The following KLHL33 variants were observed in gnomAD, a reference collection of about 807,000 sequenced individuals.
KLHL33 encodes kelch-like protein 33.
In KLHL33, 46 loss-of-function variants were observed where a neutral mutation model predicts 60.8. The observed-to-expected ratio is 0.76, with a 90% CI of 0.60 to 0.97. The LOEUF (loss-of-function observed/expected upper bound fraction) is 0.97. KLHL33 is among the 50% of genes least tolerant of loss of function. KLHL33 has a pLI of 0.00. For missense variants in KLHL33, 1,055 were observed against 1,000.0 expected, an observed-to-expected ratio of 1.05 and a Z score of -0.74; for synonymous variants, 434 against 432.2, an observed-to-expected ratio of 1.00 and a Z score of -0.05.
In KLHL33 at chr14:20,428,974, G is replaced by A. The variant is rs200296891; in HGVS notation, c.2269C>T (p.Arg757Ter). The stretch of plus-strand genomic sequence containing the variant: ...GGCAGAGTTCCCAGGCAGAGCCATC[G>A]GCCCAGGCCAGGACAGTAGGCATGG... ...LIHAYCPGLG[R>*]WLCLGTLPRP... is the part of the protein sequence containing the mutation. Residue 757 changes from arginine (R) to a stop codon, truncating the protein, a stop_gained, in exon 5 of 5, where the codon CGA becomes TGA. Coordinates refer to ENST00000636854, the MANE Select transcript of KLHL33 (RefSeq NM_001365790.2). LOFTEE classifies it high-confidence loss of function. 39 of 1,551,704 alleles carry A rather than the reference G, an allele frequency of 2.5e-5. No individual in the cohort carries two copies. In the Middle Eastern group the frequency reaches 5.0e-4, roughly 20 times the overall value.
At chr14:20,431,111 C>G (rs910833088) in intron 2 of KLHL33, among the ~76,000 whole-genome samples, 3 of 152,146 alleles carry the variant, frequency 2.0e-5, no homozygotes, top group Non-Finnish European at 4.4e-5. Context: ...CTAAGAGGAG[C>G]ACAAAATAAA....
Position 20,429,844 on chromosome 14 carries a change from C to G in KLHL33, c.1624G>C (p.Gly542Arg). ...SLAGSELYVC[G>R]GQDFYSHSNT... is the part of the protein sequence containing the mutation. ...GAGTGACTGTAGAAATCTTGTCCCCCACACACATAGAGTTCACTTCCTGCC... is the reference window on the plus strand; with the variant it reads ...GAGTGACTGTAGAAATCTTGTCCCCGACACACATAGAGTTCACTTCCTGCC... Residue 542 changes from glycine to arginine, a missense_variant, in exon 3 of 5, where the codon GGG becomes CGG. Transcript: ENST00000636854. 6.4e-7 allele frequency: 1 copy of G among 1,550,652 alleles called. No homozygotes were observed. The highest frequency in any genetic ancestry group is 1.2e-5 in the South Asian group (1 of 83,842).
rs1376775277 is a variant in KLHL33 at position 20,430,411 on chromosome 14, T to C, written c.1057A>G (p.Arg353Gly). The C allele has an allele frequency of 1.3e-6, 2 of 1,551,694 alleles. No homozygotes were observed. The highest frequency in any genetic ancestry group is 1.7e-6 in the Non-Finnish European group (2 of 1,146,992). The stretch of plus-strand genomic sequence containing the variant: ...TAGTGACGGGCTTTGCTCCAGAGCC[T>C]CTCCAACCCAGGGGCTTCCGCCATG... ...FPMAEAPGLE[R>G]LWSKARHYLL... is the part of the protein sequence containing the mutation. The change falls in exon 3 of 5, where the codon AGG (arginine) becomes GGG (glycine). Residue 353 changes from arginine to glycine, a missense_variant. Transcript: ENST00000636854.
chr14:20,430,791 T>TACTCTAAGTGTGGCCAA, intron 2 of KLHL33, 72 bp from the exon 3 acceptor site: 1 of 1,041,746 alleles, frequency 9.6e-7, no homozygotes, highest in Non-Finnish European at 1.4e-6. Context: ...CCCAACTTGG[T>TACTCTAAGTGTGGCCAA]ACTCTAAGTT....
In KLHL33 at chr14:20,430,672, G is replaced by A; in HGVS notation, c.796C>T (p.Leu266Phe). 1.3e-6 allele frequency: 2 copies of A among 1,534,014 alleles called. No individual in the cohort carries two copies. The highest frequency in any genetic ancestry group is 1.7e-6 in the Non-Finnish European group (2 of 1,146,068). The change falls in exon 3 of 5, where the codon CTC becomes TTC. Residue 266 changes from leucine (L) to phenylalanine (F), a missense_variant. Coordinates refer to ENST00000636854, the MANE Select transcript of KLHL33 (RefSeq NM_001365790.2). ...TGGGATTCCCTCATCCCGCTCAGGAGCATGGCCCCAAAGAACTCACTGCCA... is the reference window on the plus strand; with the variant it reads ...TGGGATTCCCTCATCCCGCTCAGGAACATGGCCCCAAAGAACTCACTGCCA... ...ACGSEFFGAMLLSGMRESQGT... is the reference protein window; with the variant it reads ...ACGSEFFGAMFLSGMRESQGT...
chr14:20,431,265 A>G (rs1021435879), intron 2 of KLHL33, among the ~76,000 whole-genome samples: 1 of 152,128 alleles, frequency 6.6e-6, no homozygotes, highest in Admixed American at 6.5e-5. Context: ...CTGTAATCCA[A>G]CCTCATCGGA....
At chr14:20,431,351 C>G (rs1376810930) in intron 2 of KLHL33, among the ~76,000 whole-genome samples, 1 of 152,174 alleles carries the variant, frequency 6.6e-6, no homozygotes, top group Non-Finnish European at 1.5e-5. Flanking sequence ...ATAACCCTCT[C>G]CTGTTCTTGG....
chr14:20,430,389 T>C lies in KLHL33; in HGVS notation c.1079A>G (p.His360Arg), dbSNP rs1370759340. The C allele has an allele frequency of 7.1e-6, 11 of 1,551,642 alleles. No homozygotes were observed. Among genetic ancestry groups the C allele is most frequent in the Non-Finnish European group, 8.7e-6 (10 of 1,147,018 alleles). ...GLERLWSKAR[H>R]YLLTHLPAVA... is the part of the protein sequence containing the mutation. ...AGCAGGCAGGTGGGTGAGGAGGTAG[T>C]GACGGGCTTTGCTCCAGAGCCTCTC... Residue 360 changes from histidine (H) to arginine (R), a missense_variant, in exon 3 of 5, where the codon CAC becomes CGC. Coordinates refer to ENST00000636854, the MANE Select transcript of KLHL33 (RefSeq NM_001365790.2).
At position 20,427,514 on chromosome 14, in the gene KLHL33, T is replaced by A. The variant is rs1880328503; in HGVS notation, c.*1335A>T. On this transcript the variant is annotated 3_prime_UTR_variant, in exon 5 of 5. Transcript: ENST00000636854. ...TCTGTTTCAAATGCATTCCCCCTTC[T>A]CTAATGGGTGAGACTCTAGGCAGCC... 6.6e-6 allele frequency: 1 copy of A among 152,198 alleles called. No homozygotes were observed. The highest frequency in any genetic ancestry group is 1.5e-5 in the Non-Finnish European group (1 of 68,044). The allele number at this position is 152,198 out of a possible 1,614,324, so 9.4% of individuals were successfully genotyped here. A position where few individuals can be genotyped will look rare whatever the true frequency, so the allele number is the denominator to read the frequency against.
Position 20,435,429 on chromosome 14 carries a change from C to T in KLHL33, c.383G>A (p.Arg128Gln), listed in dbSNP as rs544951670. ...GCTGCTGATTGCGGCCAGGATCACCCGATGCACCCCGTATACCCGCCCCGC... is the reference window on the plus strand; with the variant it reads ...GCTGCTGATTGCGGCCAGGATCACCTGATGCACCCCGTATACCCGCCCCGC... ...SVAGRVYGVH[R>Q]VILAAISSLF... The change falls in exon 2 of 5, where the codon CGG (arginine) becomes CAG (glutamine). Residue 128 changes from arginine (R) to glutamine (Q), a missense_variant. Coordinates refer to ENST00000636854, the MANE Select transcript of KLHL33 (RefSeq NM_001365790.2). 1.2e-5 allele frequency: 15 copies of T among 1,234,436 alleles called. No individual in the cohort carries two copies. In the Admixed American group the frequency reaches 1.7e-4, roughly 14 times the overall value. 76.5% of individuals were successfully genotyped at this position (1,234,436 alleles called of 1,614,324 possible).
In KLHL33 at chr14:20,428,390, C is replaced by T. The variant is rs1413723974; in HGVS notation, c.*459G>A. On this transcript the variant is annotated 3_prime_UTR_variant, in exon 5 of 5. Coordinates refer to ENST00000636854, the MANE Select transcript of KLHL33 (RefSeq NM_001365790.2). ...GTGGGAGAGGAGAAAGGAGCAAGTT[C>T]CAGGAAAAAAAGGGCTGAACGATTT... 2 of 155,306 alleles carry T rather than the reference C, an allele frequency of 1.3e-5. No homozygotes were observed. Among genetic ancestry groups the T allele is most frequent in the African/African-American group, 2.4e-5 (1 of 41,470 alleles). 9.6% of individuals were successfully genotyped at this position (155,306 alleles called of 1,614,324 possible). A position where few individuals can be genotyped will look rare whatever the true frequency, so the allele number is the denominator to read the frequency against.
At position 20,435,369 on chromosome 14, in the gene KLHL33, G is replaced by A; in HGVS notation, c.443C>T (p.Pro148Leu). The A allele has an allele frequency of 2.4e-6, 3 of 1,234,286 alleles. No individual in the cohort carries two copies. Among genetic ancestry groups the A allele is most frequent in the Non-Finnish European group, 2.0e-6 (2 of 988,126 alleles). The allele number at this position is 1,234,286 out of a possible 1,614,324, so 76.5% of individuals were successfully genotyped here. A position where few individuals can be genotyped will look rare whatever the true frequency, so the allele number is the denominator to read the frequency against. Residue 148 changes from proline to leucine, a missense_variant, in exon 2 of 5, where the codon CCG becomes CTG. Physicochemically the swap from Pro to Leu is moderately conservative, Grantham distance 98 (BLOSUM62 -3). Transcript: ENST00000636854. ...CACCTCGAGGCTGAAGGGGGGCCGC[G>A]GACCTCCGCCGCCCAGCAGCCTGTC... ...FRDRLLGGGG[P>L]RPPFSLEVSP... is the part of the protein sequence containing the mutation.
chr14:20,435,282 G>A lies in KLHL33; in HGVS notation c.530C>T (p.Ser177Leu). ...TGCTGCGGCCAGCACATCCCCCTGC[G>A]AGGCGGGGCCCAGCACCCCCTCATA... ...FAYEGVLGPA[S>L]QGDVLAAAEA... Residue 177 changes from serine to leucine, a missense_variant, in exon 2 of 5, where the codon TCG becomes TTG. Physicochemically the swap from Ser to Leu is moderately radical, Grantham distance 145. Coordinates refer to ENST00000636854, the MANE Select transcript of KLHL33 (RefSeq NM_001365790.2). 8.1e-7 allele frequency: 1 copy of A among 1,234,376 alleles called. No individual in the cohort carries two copies. The highest frequency in any genetic ancestry group is 1.0e-6 in the Non-Finnish European group (1 of 988,202). The allele number at this position is 1,234,376 out of a possible 1,614,324, so 76.5% of individuals were successfully genotyped here.
chr14:20,432,503 A>T (rs909442833), intron 2 of KLHL33, among the ~76,000 whole-genome samples: 1 of 152,188 alleles, frequency 6.6e-6, no homozygotes, highest in Middle Eastern at 3.2e-3. Context: ...ACTAGATTAA[A>T]GGAAGCTTAA....
chr14:20,430,793 C>T (rs1880490337), intron 2 of KLHL33, 74 bp from the exon 3 acceptor site: 1 of 909,030 alleles, frequency 1.1e-6, no homozygotes, highest in African/African-American at 1.9e-5. Flanking sequence ...CAACTTGGTA[C>T]TCTAAGTTTG....
Position 20,429,492 on chromosome 14 carries a change from GCCTGCTTACCTCCAGACATT to G in KLHL33, c.1831_1841+9del. On this transcript the variant is annotated splice_donor_variant and splice_donor_5th_base_variant and coding_sequence_variant and intron_variant, in exon 4 of 5. Coordinates refer to ENST00000636854, the MANE Select transcript of KLHL33 (RefSeq NM_001365790.2). LOFTEE classifies it high-confidence loss of function. ...CCTAATCTCTCCCAGATGCCCCCTT[GCCTGCTTACCTCCAGACATT>G]GAGCTCAGGGTTGTAGGTCTCCACA... 6.4e-7 allele frequency: 1 copy of G among 1,552,014 alleles called. No individual in the cohort carries two copies.
At position 20,435,328 on chromosome 14, in the gene KLHL33, C is replaced by T; in HGVS notation, c.484G>A (p.Glu162Lys). Residue 162 changes from glutamate (E) to lysine (K), a missense_variant, in exon 2 of 5, where the codon GAG becomes AAG. Coordinates refer to ENST00000636854, the MANE Select transcript of KLHL33 (RefSeq NM_001365790.2). ...FSLEVSPGGWEAVLTFAYEGV... is the reference protein window; with the variant it reads ...FSLEVSPGGWKAVLTFAYEGV... ...TCATAGGCAAAGGTCAGCACGGCCT[C>T]CCAGCCCCCTGGGGACACCTCGAGG... 1 of 1,234,334 alleles carries T rather than the reference C, an allele frequency of 8.1e-7. No homozygotes were observed. Among genetic ancestry groups the T allele is most frequent in the Non-Finnish European group, 1.0e-6 (1 of 988,126 alleles). The allele number at this position is 1,234,334 out of a possible 1,614,324, so 76.5% of individuals were successfully genotyped here.
In KLHL33 at chr14:20,435,679, G is replaced by A. The variant is rs1220193393; in HGVS notation, c.133C>T (p.Pro45Ser). ...TCCAGAGGAAAGGAAGGCAATCTGG[G>A]ATCCTCGTCGGGGGAGGGAGGCCAG... Reference protein sequence around the residue: ...PSWPPSPDEDPRLPSFPLEEP... With the variant: ...PSWPPSPDEDSRLPSFPLEEP... The change falls in exon 2 of 5, where the codon CCC (proline) becomes TCC (serine). Residue 45 changes from proline to serine, a missense_variant. Pro to Ser is a moderately conservative substitution (Grantham distance 74). Coordinates refer to ENST00000636854, the MANE Select transcript of KLHL33 (RefSeq NM_001365790.2). The A allele has an allele frequency of 6.5e-6, 8 of 1,234,944 alleles. No homozygotes were observed. The highest frequency in any genetic ancestry group is 8.1e-6 in the Non-Finnish European group (8 of 988,596). The allele number at this position is 1,234,944 out of a possible 1,614,324, so 76.5% of individuals were successfully genotyped here.
At position 20,435,688 on chromosome 14, in the gene KLHL33, CG is replaced by C; in HGVS notation, c.123del (p.Asp42ThrfsTer31). 1 of 1,234,830 alleles carries C rather than the reference CG, an allele frequency of 8.1e-7. No individual in the cohort carries two copies. 76.5% of individuals were successfully genotyped at this position (1,234,830 alleles called of 1,614,324 possible). The part of the protein sequence containing the change: ...AQRTPSWPPS[P>X]DEDPRLPSFP... ...AAGGAAGGCAATCTGGGATCCTCGT[CG>C]GGGGAGGGAGGCCAGGAAGGGGTTC... On this transcript the variant is annotated frameshift_variant, in exon 2 of 5. Transcript: ENST00000636854. LOFTEE classifies it high-confidence loss of function.
Sources: allele counts gnomAD v4.1 joint callset (sites outside exome capture counted in the v4.1 genomes callset), GRCh38; gene constraint gnomAD v4.1.1; transcripts MANE v1.5; gene names NCBI Gene and HGNC (gene_info 2026-07-23, HGNC 2026-07-21).